Variants in THSD7A observed in about 807,000 individuals in gnomAD.
THSD7A encodes the protein thrombospondin type-1 domain-containing protein 7A.
Under a neutral mutation model 231.3 loss-of-function variants are expected in THSD7A, and 96 were observed. That is an observed-to-expected ratio of 0.41 (90% CI 0.35 to 0.49). THSD7A has a LOEUF of 0.49. THSD7A is among the 20% of genes least tolerant of loss of function. The pLI, the probability that THSD7A is intolerant of heterozygous loss-of-function variation, is 0.05. For synonymous variants in THSD7A, 940 were observed against 743.3 expected (o/e 1.26, Z -4.30); for missense variants, 2,290 against 2,070.2 (o/e 1.11, Z -2.06).
intron 6 of THSD7A, among the ~76,000 whole-genome samples, chr7:11,495,251 C>A (rs992282302): frequency 6.6e-6 from 1 of 151,986 alleles, no homozygotes; most frequent in African/African-American, 2.4e-5. Context: ...TACGTAACAT[C>A]CTGTATGTAT....
chr7:11,695,862 G>C (rs1780376944), intron 1 of THSD7A, among the ~76,000 whole-genome samples: 1 of 151,464 alleles, frequency 6.6e-6, no homozygotes, highest in Admixed American at 6.6e-5. Context: ...GAAAACCACT[G>C]GAAGCAATAT....
intron 2 of THSD7A, among the ~76,000 whole-genome samples, chr7:11,623,750 C>G (rs1025649858): frequency 2.0e-5 from 3 of 152,056 alleles, no homozygotes; most frequent in Non-Finnish European, 2.9e-5. Context: ...AAACATGTGT[C>G]TAGGTTGAAC....
At chr7:11,640,853 T>C (rs1017857271) in intron 1 of THSD7A, among the ~76,000 whole-genome samples, 7 of 152,110 alleles carry the variant, frequency 4.6e-5, no homozygotes, top group African/African-American at 1.2e-4. Context: ...TCAAATGTTC[T>C]TTTCCCACTT....
chr7:11,409,202 G>C (rs1338369203), intron 19 of THSD7A, among the ~76,000 whole-genome samples: 1 of 152,164 alleles, frequency 6.6e-6, no homozygotes, highest in African/African-American at 2.4e-5. Flanking sequence ...AAACACTGAA[G>C]ATAAAAATAA....
At chr7:11,720,660 C>T (rs942709236) in intron 1 of THSD7A, among the ~76,000 whole-genome samples, 1 of 151,730 alleles carries the variant, frequency 6.6e-6, no homozygotes, top group Non-Finnish European at 1.5e-5. Context: ...CTACCATCAA[C>T]TGGTTCTTAT....
chr7:11,427,193 T>C (rs1466575647), intron 14 of THSD7A, among the ~76,000 whole-genome samples: 1 of 152,222 alleles, frequency 6.6e-6, no homozygotes, highest in Non-Finnish European at 1.5e-5. Context: ...CTGAGGAACA[T>C]ATAATTGTAG....
At chr7:11,412,462 C>G (rs1311014991) in intron 18 of THSD7A, among the ~76,000 whole-genome samples, 194 bp downstream of exon 18, 1 of 151,906 alleles carries the variant, frequency 6.6e-6, no homozygotes, top group Non-Finnish European at 1.5e-5. Context: ...TTTTTATTTC[C>G]TCTATCTTAG....
In THSD7A at chr7:11,474,461, C is replaced by T. The variant is rs775970005; in HGVS notation, c.2125G>A (p.Glu709Lys). ...TTGAAGGACGATACTGAGGTGTCCT[C>T]AATGCACTGGCCCCAGGGACCAGTT... ...WQTGPWGQCIEDTSVSSFNTT... is the reference protein window; with the variant it reads ...WQTGPWGQCIKDTSVSSFNTT... The change falls in exon 8 of 28, where the codon GAG becomes AAG. Residue 709 changes from glutamate to lysine, a missense_variant. Coordinates refer to ENST00000423059, the MANE Select transcript of THSD7A (RefSeq NM_015204.3). The surrounding 1 kb of genome is among the most constrained non-coding windows in gnomAD (Gnocchi z 4.1). 1.2e-6 allele frequency: 2 copies of T among 1,613,606 alleles called. No homozygotes were observed. The highest frequency in any genetic ancestry group is 1.7e-6 in the Non-Finnish European group (2 of 1,179,618).
At chr7:11,611,822 A>G (rs1256926639) in intron 2 of THSD7A, among the ~76,000 whole-genome samples, 1 of 140,974 alleles carries the variant, frequency 7.1e-6, no homozygotes, top group South Asian at 2.3e-4. Flanking sequence ...ACACACACAC[A>G]CACACACACT....
chr7:11,767,759 C>G (rs967772820), intron 1 of THSD7A, among the ~76,000 whole-genome samples: 8 of 152,092 alleles, frequency 5.3e-5, no homozygotes, highest in Admixed American at 1.3e-4. Context: ...AAGAACACCT[C>G]TCCTTGTAGC....
intron 6 of THSD7A, among the ~76,000 whole-genome samples, chr7:11,521,189 C>T (rs1457078797): frequency 6.6e-6 from 1 of 151,202 alleles, no homozygotes; most frequent in African/African-American, 2.4e-5. Flanking sequence ...TACATACATA[C>T]TAAGACAAAT....
intron 1 of THSD7A, among the ~76,000 whole-genome samples, chr7:11,674,440 G>T (rs1033073464): frequency 6.6e-6 from 1 of 152,060 alleles, no homozygotes; most frequent in African/African-American, 2.4e-5. Context: ...GGTGAACACA[G>T]CAGTGTCTAT....
intron 1 of THSD7A, among the ~76,000 whole-genome samples, chr7:11,745,163 T>C (rs1782245274): frequency 1.3e-5 from 2 of 152,130 alleles, no homozygotes; most frequent in African/African-American, 2.4e-5. Flanking sequence ...TATCTCATTG[T>C]GGTTTTGATT....
intron 15 of THSD7A, 37 bp from the exon 16 acceptor site, chr7:11,424,866 C>A: frequency 6.2e-7 from 1 of 1,612,384 alleles, no homozygotes; most frequent in Non-Finnish European, 8.5e-7. Context: ...CTCAGGGAAT[C>A]TGGTAAGAGT....
At chr7:11,397,102 C>G (rs1441923172) in intron 23 of THSD7A, among the ~76,000 whole-genome samples, 2 of 152,114 alleles carry the variant, frequency 1.3e-5, no homozygotes, top group Non-Finnish European at 2.9e-5. Flanking sequence ...TAAAAACTCT[C>G]AATAAACTAG....
chr7:11,407,588 T>A (rs1036326655), intron 19 of THSD7A, among the ~76,000 whole-genome samples, 165 bp from the exon 20 acceptor site: 4 of 152,132 alleles, frequency 2.6e-5, no homozygotes, highest in Non-Finnish European at 5.9e-5. Flanking sequence ...TATAAAGTGG[T>A]TTGACCTAGG....
At chr7:11,808,957 T>G (rs1784463024) in intron 1 of THSD7A, among the ~76,000 whole-genome samples, 1 of 152,128 alleles carries the variant, frequency 6.6e-6, no homozygotes, top group Non-Finnish European at 1.5e-5. Context: ...TACATACCAT[T>G]AAAATATATC....
chr7:11,554,712 C>A (rs537368542), intron 4 of THSD7A, among the ~76,000 whole-genome samples: 1 of 151,894 alleles, frequency 6.6e-6, no homozygotes, highest in Admixed American at 6.6e-5. Context: ...GGATTTTTGT[C>A]TATGTATGAG....
At chr7:11,620,087 A>G (rs925551726) in intron 2 of THSD7A, among the ~76,000 whole-genome samples, 1 of 152,220 alleles carries the variant, frequency 6.6e-6, no homozygotes, top group African/African-American at 2.4e-5. Flanking sequence ...AACTGTCTCA[A>G]TAAAACTAGT....
Sources: allele counts gnomAD v4.1 joint callset (sites outside exome capture counted in the v4.1 genomes callset), GRCh38; gene constraint gnomAD v4.1.1; non-coding constraint Gnocchi (gnomAD v3.1); transcripts MANE v1.5; gene names NCBI Gene and HGNC (gene_info 2026-07-23, HGNC 2026-07-21).